LRRC1: variants seen among roughly 807,000 people sequenced by gnomAD.
LRRC1 encodes the protein leucine rich repeat containing 1.
A neutral mutation model predicts 69.9 loss-of-function variants in LRRC1; 28 were observed. That is an observed-to-expected ratio of 0.40 (90% CI 0.30 to 0.55). The LOEUF is 0.55. LRRC1 is among the 20% of genes least tolerant of loss of function. LRRC1 has a pLI of 0.47. For synonymous variants in LRRC1, 236 were observed against 240.2 expected, an observed-to-expected ratio of 0.98 and a Z score of 0.16; for missense variants, 498 against 609.0, an observed-to-expected ratio of 0.82 and a Z score of 1.92.
At chr6:53,887,724 C>T (rs1288423040) in intron 4 of LRRC1, among the ~76,000 whole-genome samples, 2 of 152,048 alleles carry the variant, frequency 1.3e-5, no homozygotes, top group Non-Finnish European at 2.9e-5. Flanking sequence ...TTTCATGGCC[C>T]TAATGTTGTT....
At chr6:53,806,855 TC>T (rs1384707867) in intron 1 of LRRC1, among the ~76,000 whole-genome samples, 1 of 152,198 alleles carries the variant, frequency 6.6e-6, no homozygotes, top group Non-Finnish European at 1.5e-5. Context: ...AAACACTCAC[TC>T]CCTCACCCCC....
intron 1 of LRRC1, among the ~76,000 whole-genome samples, chr6:53,841,332 T>TA (rs1765783547): frequency 6.6e-6 from 1 of 152,238 alleles, no homozygotes; most frequent in Non-Finnish European, 1.5e-5. Flanking sequence ...CCTAGTTTCT[T>TA]ATTGGCTACT....
intron 2 of LRRC1, among the ~76,000 whole-genome samples, chr6:53,846,559 A>T (rs1008921054): frequency 3.3e-5 from 5 of 152,238 alleles, no homozygotes; most frequent in Admixed American, 1.3e-4. Flanking sequence ...GGAAAGTGAC[A>T]CACTTCTCTT....
At chr6:53,882,119 C>A (rs573645618) in intron 3 of LRRC1, among the ~76,000 whole-genome samples, 17 of 152,118 alleles carry the variant, frequency 1.1e-4, no homozygotes, top group Non-Finnish European at 2.2e-4. Context: ...GAGGCCAAGG[C>A]GGGTGGATCA....
At chr6:53,869,040 C>CA (rs1766796964) in intron 2 of LRRC1, among the ~76,000 whole-genome samples, 2 of 152,274 alleles carry the variant, frequency 1.3e-5, no homozygotes, top group Non-Finnish European at 1.5e-5. Context: ...AATTGAGGCA[C>CA]AGATAAGTAG....
At chr6:53,877,266 C>A (rs566424780) in intron 2 of LRRC1, among the ~76,000 whole-genome samples, 1 of 152,202 alleles carries the variant, frequency 6.6e-6, no homozygotes, top group African/African-American at 2.4e-5. Flanking sequence ...CTGCACACAA[C>A]ATGGGGACCC....
intron 1 of LRRC1, among the ~76,000 whole-genome samples, chr6:53,796,236 G>A (rs1011808673): frequency 6.6e-6 from 1 of 152,218 alleles, no homozygotes; most frequent in African/African-American, 2.4e-5. Flanking sequence ...TATGTAAATT[G>A]ATCACTCCAT....
intron 1 of LRRC1, among the ~76,000 whole-genome samples, chr6:53,841,323 C>G (rs1162493406): frequency 1.3e-5 from 2 of 152,116 alleles, no homozygotes; most frequent in Non-Finnish European, 2.9e-5. Context: ...GTACCTGGAC[C>G]TAGTTTCTTA....
At chr6:53,821,334 C>A (rs1158612837) in intron 1 of LRRC1, among the ~76,000 whole-genome samples, 1 of 152,148 alleles carries the variant, frequency 6.6e-6, no homozygotes, top group Non-Finnish European at 1.5e-5. Context: ...GCTCCTTTCT[C>A]CATTAAAAAA....
chr6:53,919,550 C>CT lies in LRRC1; in HGVS notation c.1160dup (p.Ser388IlefsTer2). ...TGCCTTGAAGTTGAAGGCTCTGTGG[C>CT]TATCTGACAACCAGTCCCAGCCCCT... On this transcript the variant is annotated frameshift_variant, in exon 12 of 14. Transcript: ENST00000370888. LOFTEE classifies it high-confidence loss of function. 6.2e-7 allele frequency: 1 copy of CT among 1,612,466 alleles called. No individual in the cohort carries two copies. The highest frequency in any genetic ancestry group is 8.5e-7 in the Non-Finnish European group (1 of 1,179,538).
chr6:53,836,017 C>G (rs529713871), intron 1 of LRRC1, among the ~76,000 whole-genome samples: 4 of 152,192 alleles, frequency 2.6e-5, no homozygotes, highest in Non-Finnish European at 5.9e-5. Context: ...CAAGCTTAGG[C>G]CCCAAGAGTC....
intron 2 of LRRC1, among the ~76,000 whole-genome samples, chr6:53,853,982 G>A (rs558063646): frequency 2.0e-5 from 3 of 152,278 alleles, no homozygotes; most frequent in South Asian, 2.1e-4. Flanking sequence ...ATACACTAAC[G>A]TGATGACATC....
chr6:53,828,693 T>C (rs1765341771), intron 1 of LRRC1, among the ~76,000 whole-genome samples: 1 of 152,236 alleles, frequency 6.6e-6, no homozygotes, highest in South Asian at 2.1e-4. Context: ...ACTTGGTAGA[T>C]TGGATTGCTG....
intron 1 of LRRC1, among the ~76,000 whole-genome samples, chr6:53,804,345 C>G (rs1449276372): frequency 1.3e-5 from 2 of 152,126 alleles, no homozygotes. Flanking sequence ...AATCAGTCTA[C>G]TTAAAATACC....
intron 6 of LRRC1, 55 bp from the exon 7 acceptor site, chr6:53,897,230 G>T: frequency 8.4e-7 from 1 of 1,194,648 alleles, no homozygotes; most frequent in Admixed American, 1.8e-5. Context: ...TCTTTCTTCA[G>T]GGAAGACTGA....
At chr6:53,913,768 A>G (rs1439987843) in intron 10 of LRRC1, 86 bp from the exon 11 acceptor site, 3 of 762,302 alleles carry the variant, frequency 3.9e-6, no homozygotes, top group African/African-American at 1.7e-5. Flanking sequence ...CATCCTTTTT[A>G]TACTGTTTGG....
intron 1 of LRRC1, among the ~76,000 whole-genome samples, chr6:53,802,188 G>C (rs902903244): frequency 1.3e-5 from 2 of 152,180 alleles, no homozygotes; most frequent in African/African-American, 4.8e-5. Context: ...CTCAGGGAAG[G>C]TGTCTATGCA....
intron 11 of LRRC1, among the ~76,000 whole-genome samples, chr6:53,915,340 C>T (rs1768529509): frequency 6.6e-6 from 1 of 152,174 alleles, no homozygotes; most frequent in South Asian, 2.1e-4. Flanking sequence ...TCAGGGAATG[C>T]TCACCTTTTT....
chr6:53,896,778 T>A, intron 5 of LRRC1, 51 bp from the exon 6 acceptor site: 1 of 1,207,442 alleles, frequency 8.3e-7, no homozygotes, highest in Non-Finnish European at 1.2e-6. Context: ...ACTATATTGC[T>A]CAGCATTTCT....
Sources: gnomAD v4.1 joint callset for allele counts (sites outside exome capture counted in the v4.1 genomes callset) on GRCh38, gnomAD v4.1.1 for gene constraint, MANE v1.5 for transcripts, NCBI Gene and HGNC (gene_info 2026-07-23, HGNC 2026-07-21) for gene names.